NEGR1: variants seen among roughly 807,000 people sequenced by gnomAD.
The protein encoded by NEGR1 is IgLON family member 4.
In NEGR1, 10 loss-of-function variants were observed where a neutral mutation model predicts 40.9. The observed-to-expected ratio is 0.24, with a 90% CI of 0.15 to 0.42. NEGR1 has a LOEUF of 0.42. Ranked by LOEUF, NEGR1 falls within the 10% of genes least tolerant of loss-of-function variation. NEGR1 has a pLI of 1.00. For synonymous variants in NEGR1, 185 were observed against 166.8 expected, an observed-to-expected ratio of 1.11 and a Z score of -0.84; for missense variants, 352 against 438.9, an observed-to-expected ratio of 0.80 and a Z score of 1.77.
chr1:72,275,166 G>A, intron 1 of NEGR1: 1 of 628,858 alleles, frequency 1.6e-6, no homozygotes, highest in Non-Finnish European at 2.9e-6. Context: ...TTTTCTAATT[G>A]AAATTAAAAT....
chr1:71,608,162 A>C (rs145993461), intron 5 of NEGR1, among the ~76,000 whole-genome samples: 137 of 152,278 alleles, frequency 9.0e-4, no homozygotes, highest in Non-Finnish European at 1.2e-3. Flanking sequence ...GATATTTGAG[A>C]ATTTGAGTAT....
intron 1 of NEGR1, among the ~76,000 whole-genome samples, chr1:72,231,324 A>G (rs1654357182): frequency 6.6e-6 from 1 of 152,058 alleles, no homozygotes; most frequent in Admixed American, 6.6e-5. Flanking sequence ...TCTATTAATT[A>G]TTTTGATTAA....
intron 6 of NEGR1, among the ~76,000 whole-genome samples, chr1:71,508,589 C>T (rs1228825107): frequency 6.6e-6 from 1 of 152,166 alleles, no homozygotes; most frequent in Non-Finnish European, 1.5e-5. Context: ...AGGTCTTACC[C>T]TGTGGGAATT....
intron 1 of NEGR1, among the ~76,000 whole-genome samples, chr1:72,205,181 T>C (rs1653348665): frequency 6.6e-6 from 1 of 151,952 alleles, no homozygotes; most frequent in Non-Finnish European, 1.5e-5. Flanking sequence ...TAAAAGTGGT[T>C]TTATATTATC....
chr1:71,556,857 T>G (rs999110447), intron 6 of NEGR1, among the ~76,000 whole-genome samples: 1 of 151,576 alleles, frequency 6.6e-6, no homozygotes, highest in African/African-American at 2.4e-5. Context: ...CCACATATGG[T>G]GACAAATGGG....
chr1:72,005,024 A>G (rs1646593907), intron 1 of NEGR1, among the ~76,000 whole-genome samples: 1 of 152,152 alleles, frequency 6.6e-6, no homozygotes, highest in Non-Finnish European at 1.5e-5. Flanking sequence ...CATGCCATTC[A>G]GCTGACTTCC....
chr1:72,221,365 A>T (rs1429595039), intron 1 of NEGR1, among the ~76,000 whole-genome samples: 1 of 152,138 alleles, frequency 6.6e-6, no homozygotes, highest in Non-Finnish European at 1.5e-5. Context: ...TTGGGGAGAC[A>T]CTGTTCAATC....
At chr1:71,549,237 G>A (rs1193191674) in intron 6 of NEGR1, among the ~76,000 whole-genome samples, 2 of 151,578 alleles carry the variant, frequency 1.3e-5, no homozygotes, top group East Asian at 3.9e-4. Flanking sequence ...AAGATCTCAG[G>A]GAATTAACAT....
intron 1 of NEGR1, among the ~76,000 whole-genome samples, chr1:72,136,055 T>C (rs1460992412): frequency 6.6e-6 from 1 of 152,092 alleles, no homozygotes; most frequent in East Asian, 1.9e-4. Context: ...AAAAATGTTA[T>C]AGGATTAAAA....
intron 4 of NEGR1, among the ~76,000 whole-genome samples, chr1:71,674,922 G>C (rs1652564566): frequency 6.6e-6 from 1 of 151,212 alleles, no homozygotes; most frequent in South Asian, 2.1e-4. Flanking sequence ...ACAGAATGTA[G>C]GCACCTTGAA....
intron 5 of NEGR1, among the ~76,000 whole-genome samples, chr1:71,609,514 C>CAACAAAAAAAAAA (rs1650178061): frequency 4.1e-5 from 1 of 24,098 alleles, no homozygotes; most frequent in Non-Finnish European, 9.1e-5. Context: ...GACTCCGTCT[C>CAACAAAAAAAAAA]AAAAAAAAAA....
chr1:71,742,960 A>C (rs1204359463), intron 3 of NEGR1, among the ~76,000 whole-genome samples: 2 of 152,146 alleles, frequency 1.3e-5, no homozygotes, highest in Admixed American at 6.5e-5. Flanking sequence ...TGGCACTCCC[A>C]TGACAGAATT....
chr1:71,767,240 C>T (rs1242126666), intron 3 of NEGR1, among the ~76,000 whole-genome samples: 2 of 152,084 alleles, frequency 1.3e-5, no homozygotes, highest in African/African-American at 2.4e-5. Context: ...TTCATAGAGA[C>T]TTCTTGAATG....
intron 1 of NEGR1, among the ~76,000 whole-genome samples, chr1:72,163,320 A>G (rs531720072): frequency 6.6e-6 from 1 of 152,278 alleles, no homozygotes; most frequent in South Asian, 2.1e-4. Context: ...CTGCTAACCT[A>G]TGACGTGAAG....
At chr1:71,643,183 C>T (rs1651414030) in intron 4 of NEGR1, among the ~76,000 whole-genome samples, 1 of 151,926 alleles carries the variant, frequency 6.6e-6, no homozygotes. Context: ...TGCCCTTATC[C>T]TCTCCTGACC....
rs116424637 is a variant in NEGR1, at chr1:72,071,784, C to G, written c.177-136473G>C. Among the ~76,000 whole-genome samples, 881 of 152,148 alleles carry G rather than the reference C, an allele frequency of 5.8e-3. 5 individuals carry two copies. The highest frequency in any genetic ancestry group is 0.02 in the African/African-American group (841 of 41,528). On this transcript the variant is annotated intron_variant, in intron 1 of 6. Transcript: ENST00000357731. ...CCACTTCCTCAGTTGGAAACCCTAA[C>G]CTTTTTTCTATGTTAGCATTTCAAA...
At chr1:72,245,643 T>C (rs1340811593) in intron 1 of NEGR1, among the ~76,000 whole-genome samples, 1 of 152,174 alleles carries the variant, frequency 6.6e-6, no homozygotes, top group African/African-American at 2.4e-5. Context: ...TGTTTGGCTA[T>C]TCATTTAGAA....
chr1:72,267,030 G>T (rs966209468), intron 1 of NEGR1, among the ~76,000 whole-genome samples: 10 of 150,790 alleles, frequency 6.6e-5, no homozygotes, highest in Non-Finnish European at 1.0e-4. Context: ...ATCGATGAAG[G>T]TTTATTGTTA....
intron 3 of NEGR1, among the ~76,000 whole-genome samples, chr1:71,759,801 G>T (rs1241511916): frequency 6.6e-6 from 1 of 151,174 alleles, no homozygotes. Flanking sequence ...GTAGAGACGG[G>T]GTTTCGGCAT....
Sources: gnomAD v4.1 joint callset for allele counts (sites outside exome capture counted in the v4.1 genomes callset) on GRCh38, gnomAD v4.1.1 for gene constraint, MANE v1.5 for transcripts, NCBI Gene and HGNC (gene_info 2026-07-23, HGNC 2026-07-21) for gene names.